Variants in MAGI2 observed in about 807,000 individuals in gnomAD.
The protein encoded by MAGI2 is membrane associated guanylate kinase, WW and PDZ domain containing 2.
Under a neutral mutation model 133.3 loss-of-function variants are expected in MAGI2, and 35 were observed. That is an observed-to-expected ratio of 0.26 (90% CI 0.20 to 0.35). The LOEUF (loss-of-function observed/expected upper bound fraction) is 0.35. Among genes scored for constraint, MAGI2 ranks in the 10% least tolerant of loss-of-function variants. The pLI is 1.00. For missense variants in MAGI2, 1,636 were observed against 1,863.4 expected (o/e 0.88, Z 2.25); for synonymous variants, 729 against 710.6 (o/e 1.03, Z -0.41).
At chr7:79,418,561 T>C (rs1846704427) in intron 1 of MAGI2, among the ~76,000 whole-genome samples, 1 of 152,018 alleles carries the variant, frequency 6.6e-6, no homozygotes, top group South Asian at 2.1e-4. Context: ...TTGTTTAACA[T>C]GAAAGCTGTG....
chr7:78,304,842 A>T (rs369609152), intron 9 of MAGI2, among the ~76,000 whole-genome samples: 51 of 152,270 alleles, frequency 3.3e-4, no homozygotes, highest in African/African-American at 1.2e-3. Flanking sequence ...GAGCCTCGTG[A>T]ATATCTCAAA....
At chr7:78,675,094 T>C (rs996940973) in intron 2 of MAGI2, among the ~76,000 whole-genome samples, 1 of 152,108 alleles carries the variant, frequency 6.6e-6, no homozygotes, top group Non-Finnish European at 1.5e-5. Context: ...GTAAATGTGA[T>C]ATAGTAGTTA....
At chr7:78,826,384 T>C (rs897758502) in intron 2 of MAGI2, among the ~76,000 whole-genome samples, 1 of 143,068 alleles carries the variant, frequency 7.0e-6, no homozygotes, top group African/African-American at 2.6e-5. Flanking sequence ...AGTATATTAA[T>C]AAGTAAAAAA....
intron 1 of MAGI2, among the ~76,000 whole-genome samples, chr7:79,039,027 C>G (rs1811370827): frequency 6.6e-6 from 1 of 152,140 alleles, no homozygotes; most frequent in South Asian, 2.1e-4. Context: ...GGCTGTGCCC[C>G]CACCCACTCA....
At chr7:79,114,373 G>T (rs1819210895) in intron 1 of MAGI2, among the ~76,000 whole-genome samples, 1 of 152,186 alleles carries the variant, frequency 6.6e-6, no homozygotes, top group Non-Finnish European at 1.5e-5. Context: ...AAGAGTCAGG[G>T]TGGTAGATGT....
intron 6 of MAGI2, among the ~76,000 whole-genome samples, chr7:78,427,187 A>G (rs1457569643): frequency 6.6e-6 from 1 of 152,160 alleles, no homozygotes; most frequent in Non-Finnish European, 1.5e-5. Context: ...AAGAAATAAA[A>G]AACTAATGGG....
chr7:78,638,379 C>T (rs1356212419), intron 2 of MAGI2, among the ~76,000 whole-genome samples: 2 of 152,086 alleles, frequency 1.3e-5, no homozygotes, highest in Admixed American at 6.6e-5. Context: ...AGATTTGTAC[C>T]CTAAATCTTA....
intron 9 of MAGI2, among the ~76,000 whole-genome samples, chr7:78,297,048 A>G (rs1797321706): frequency 6.6e-6 from 1 of 152,212 alleles, no homozygotes; most frequent in Admixed American, 6.5e-5. Flanking sequence ...AAAAGGGCTT[A>G]CAGCAAATTT....
At chr7:78,550,601 C>A (rs1799250595) in intron 3 of MAGI2, among the ~76,000 whole-genome samples, 1 of 152,148 alleles carries the variant, frequency 6.6e-6, no homozygotes, top group Middle Eastern at 3.2e-3. Context: ...AGAGCTTTTA[C>A]CCAATGGCAC....
At chr7:79,136,003 G>GAGAAAGAAAGAA (rs1554375907) in intron 1 of MAGI2, among the ~76,000 whole-genome samples, 14 of 40,922 alleles carry the variant, frequency 3.4e-4, no homozygotes, top group South Asian at 2.4e-3. Context: ...AAGAAAGAAA[G>GAGAAAGAAAGAA]AGAAAGAAAG....
intron 6 of MAGI2, among the ~76,000 whole-genome samples, chr7:78,386,915 T>G (rs1246619730): frequency 1.3e-5 from 2 of 152,186 alleles, no homozygotes; most frequent in Non-Finnish European, 2.9e-5. Flanking sequence ...GATTTGTACC[T>G]AGAACACCAC....
intron 3 of MAGI2, among the ~76,000 whole-genome samples, chr7:78,541,886 A>C (rs1205324071): frequency 6.6e-6 from 1 of 152,196 alleles, no homozygotes; most frequent in East Asian, 1.9e-4. Context: ...AGGACAATGT[A>C]GTTGTTTTTA....
chr7:78,600,990 TTAAC>T (rs1300293894), intron 3 of MAGI2, among the ~76,000 whole-genome samples: 1 of 152,180 alleles, frequency 6.6e-6, no homozygotes, highest in East Asian at 1.9e-4. Context: ...TTTGTGCTAC[TTAAC>T]TTTTAAAAAT....
intron 3 of MAGI2, among the ~76,000 whole-genome samples, chr7:78,577,135 T>G (rs1802352064): frequency 6.6e-6 from 1 of 152,208 alleles, no homozygotes; most frequent in South Asian, 2.1e-4. Context: ...TTTGTGTAAT[T>G]TATTTGCATT....
intron 1 of MAGI2, among the ~76,000 whole-genome samples, chr7:79,227,024 C>T (rs1413192226): frequency 6.6e-6 from 1 of 152,076 alleles, no homozygotes; most frequent in Non-Finnish European, 1.5e-5. Flanking sequence ...CTGAAGTAAA[C>T]ATTTCAAGAA....
chr7:78,923,497 T>G (rs1381788032), intron 2 of MAGI2, among the ~76,000 whole-genome samples: 2 of 152,186 alleles, frequency 1.3e-5, no homozygotes, highest in Non-Finnish European at 2.9e-5. Context: ...AAAGATCAGA[T>G]AGTTGTAGAT....
chr7:79,120,431 A>T (rs1284501982), intron 1 of MAGI2, among the ~76,000 whole-genome samples: 1 of 152,024 alleles, frequency 6.6e-6, no homozygotes, highest in African/African-American at 2.4e-5. Context: ...TTCCCTTTTA[A>T]TATTATTAAT....
In MAGI2 at chr7:78,437,792, A is replaced by C. The variant is rs1457398567; in HGVS notation, c.1045+51969T>G. Among the ~76,000 whole-genome samples, 3 of 143,376 alleles carry C rather than the reference A, an allele frequency of 2.1e-5. No homozygotes were observed. In the East Asian group the frequency reaches 5.8e-4, roughly 28 times the overall value. The allele number at this position is 143,376 out of a possible 152,430, so 94.1% of individuals were successfully genotyped here. A position where few individuals can be genotyped will look rare whatever the true frequency, so the allele number is the denominator to read the frequency against. On this transcript the variant is annotated intron_variant, in intron 6 of 21. Transcript: ENST00000354212. ...GTCCACAGCAGTTAACTGTGAAGTTAAGAAAGGGGCACTTATGAAAGTTTA... is the reference window on the plus strand; with the variant it reads ...GTCCACAGCAGTTAACTGTGAAGTTCAGAAAGGGGCACTTATGAAAGTTTA...
intron 2 of MAGI2, among the ~76,000 whole-genome samples, chr7:78,629,360 T>G (rs1808717827): frequency 6.6e-6 from 1 of 152,176 alleles, no homozygotes; most frequent in African/African-American, 2.4e-5. Flanking sequence ...TCTCAAATGC[T>G]GCAACCTCCA....
Sources: allele counts gnomAD v4.1 joint callset (sites outside exome capture counted in the v4.1 genomes callset), GRCh38; gene constraint gnomAD v4.1.1; transcripts MANE v1.5; gene names NCBI Gene and HGNC (gene_info 2026-07-23, HGNC 2026-07-21).